TSEN2: variants seen among roughly 807,000 people sequenced by gnomAD.
TSEN2 encodes tRNA splicing endonuclease subunit 2, also known as tRNA-splicing endonuclease subunit Sen2.
TSEN2 carries 54 observed loss-of-function variants against 59.2 expected under a neutral mutation model. The ratio of observed to expected loss-of-function variants is 0.91; its 90% CI spans 0.73 to 1.14. The LOEUF is 1.14. TSEN2 is among the 50% of genes most tolerant of loss of function. The probability of loss-of-function intolerance (pLI) is 0.00; values close to 1 mark genes in which losing one functional copy is unlikely to be tolerated. For synonymous variants in TSEN2, 195 were observed against 198.2 expected, an observed-to-expected ratio of 0.98 and a Z score of 0.14; for missense variants, 636 against 576.2, an observed-to-expected ratio of 1.10 and a Z score of -1.06.
chr3:12,537,850 C>T (rs1391672148), downstream of TSEN2, among the ~76,000 whole-genome samples: 1 of 152,064 alleles, frequency 6.6e-6, no homozygotes, highest in East Asian at 1.9e-4. Flanking sequence ...GGTGGGGAGT[C>T]CTTTATGAAT....
At chr3:12,525,519 T>G (rs2057003628) in intron 8 of TSEN2, among the ~76,000 whole-genome samples, 1 of 151,972 alleles carries the variant, frequency 6.6e-6, no homozygotes, top group African/African-American at 2.4e-5. Flanking sequence ...GTTTTCCTTT[T>G]ATACTCCCTG....
chr3:12,523,523 A>ATTTTTTTTTTTTTTT (rs1386382924), intron 8 of TSEN2, among the ~76,000 whole-genome samples: 12 of 51,016 alleles, frequency 2.4e-4, no homozygotes, highest in South Asian at 4.0e-4. Context: ...TTCCTCTTTG[A>ATTTTTTTTTTTTTTT]TTCTTTTTTT....
Position 12,489,884 on chromosome 3 carries a change from T to G in TSEN2, c.84T>G (p.Gly28=). The G allele has an allele frequency of 5.0e-6, 8 of 1,614,068 alleles. No homozygotes were observed. Among genetic ancestry groups the G allele is most frequent in the Non-Finnish European group, 6.8e-6 (8 of 1,179,988 alleles). ...AGTCTCCATTGCCAATCCCTTTTGG[T>G]CAGGACCATGGTCCTCTGAAAGAAT... ...TYESPLPIPF[G]QDHGPLKEFK... The change falls in exon 2 of 12, where the codon GGT becomes GGG. Residue 28 remains glycine (G), a synonymous_variant. Transcript: ENST00000284995.
chr3:12,485,594 A>C (rs936603558), intron 1 of TSEN2, among the ~76,000 whole-genome samples: 5 of 152,348 alleles, frequency 3.3e-5, no homozygotes, highest in Admixed American at 6.5e-5. Context: ...AGCTGGGTCC[A>C]CCCAGGAAAT....
At chr3:12,523,526 CTT>C (rs546904336) in intron 8 of TSEN2, among the ~76,000 whole-genome samples, 111 of 46,468 alleles carry the variant, frequency 2.4e-3, no homozygotes, top group African/African-American at 3.1e-3. Flanking sequence ...CTCTTTGATT[CTT>C]TTTTTTTTTT....
downstream of TSEN2, among the ~76,000 whole-genome samples, chr3:12,535,330 C>A (rs1385322854): frequency 6.6e-6 from 1 of 152,092 alleles, no homozygotes; most frequent in African/African-American, 2.4e-5. Flanking sequence ...GATCTTAAAA[C>A]TGGAAAATTT....
chr3:12,497,601 G>C (rs1048598808), intron 4 of TSEN2, among the ~76,000 whole-genome samples: 3 of 152,178 alleles, frequency 2.0e-5, no homozygotes, highest in Non-Finnish European at 4.4e-5. Context: ...AGAAACCTAG[G>C]GATCAGAAAT....
chr3:12,529,040 C>A, intron 9 of TSEN2, 116 bp downstream of exon 9: 1 of 987,576 alleles, frequency 1.0e-6, no homozygotes, highest in Non-Finnish European at 1.6e-6. Flanking sequence ...TGGCCTGATA[C>A]GAATAGATGC....
At chr3:12,519,987 G>A (rs2056496329) in intron 8 of TSEN2, among the ~76,000 whole-genome samples, 1 of 151,902 alleles carries the variant, frequency 6.6e-6, no homozygotes, top group African/African-American at 2.4e-5. Flanking sequence ...CCTATGCAGT[G>A]GAGACGCTTA....
At chr3:12,539,264 G>T (rs1227083679) in exon 11 of TSEN2, 1 of 373,422 alleles carries the variant, frequency 2.7e-6, no homozygotes, top group East Asian at 8.8e-5. Flanking sequence ...CTCCTGAGTA[G>T]CTGGGATTAC....
At chr3:12,512,091 T>C (rs1028186457) in intron 6 of TSEN2, among the ~76,000 whole-genome samples, 5 of 152,160 alleles carry the variant, frequency 3.3e-5, no homozygotes, top group Admixed American at 3.3e-4. Flanking sequence ...AGGAAGATAG[T>C]GAAGATTGAA....
At chr3:12,524,210 C>T (rs1402805164) in intron 8 of TSEN2, among the ~76,000 whole-genome samples, 1 of 152,182 alleles carries the variant, frequency 6.6e-6, no homozygotes, top group Non-Finnish European at 1.5e-5. Context: ...GGATTACAGG[C>T]GTGAGCCACC....
At chr3:12,521,145 T>A (rs543241474) in intron 8 of TSEN2, among the ~76,000 whole-genome samples, 1 of 152,322 alleles carries the variant, frequency 6.6e-6, no homozygotes, top group South Asian at 2.1e-4. Flanking sequence ...TGCCTAGTAT[T>A]CCACTGCATC....
intron 4 of TSEN2, among the ~76,000 whole-genome samples, chr3:12,500,062 C>T (rs955401431): frequency 1.3e-5 from 2 of 152,182 alleles, no homozygotes; most frequent in East Asian, 1.9e-4. Flanking sequence ...TGTGTCCTTG[C>T]GGTCCTGGAT....
intron 6 of TSEN2, among the ~76,000 whole-genome samples, chr3:12,508,116 C>T (rs961778199): frequency 8.5e-5 from 13 of 152,118 alleles, no homozygotes; most frequent in Non-Finnish European, 1.8e-4. Flanking sequence ...GGGCTGGAGG[C>T]CTGGCCTGGG....
rs1185785030 is a variant in TSEN2 at position 12,516,179 on chromosome 3, C to T, written c.910-432C>T. Among the ~76,000 whole-genome samples, 3 of 152,034 alleles carry T rather than the reference C, an allele frequency of 2.0e-5. No homozygotes were observed. In the East Asian group the frequency reaches 5.8e-4, roughly 29 times the overall value. On this transcript the variant is annotated intron_variant, in intron 6 of 11. Transcript: ENST00000284995. ...GTGGCTCACACCTGTAATCCCAGCA[C>T]TTTGGGAGGCCGAGGCAGGTGGATC...
intron 1 of TSEN2, among the ~76,000 whole-genome samples, chr3:12,485,213 G>GT (rs1192021772): frequency 6.6e-6 from 1 of 152,168 alleles, no homozygotes; most frequent in Non-Finnish European, 1.5e-5. Flanking sequence ...TGGGTAGGAG[G>GT]TTTTTTAACC....
At chr3:12,529,924 T>G (rs778709868) in intron 10 of TSEN2, 51 bp downstream of exon 10, 30 of 1,579,814 alleles carry the variant, frequency 1.9e-5, no homozygotes, top group Non-Finnish European at 2.5e-5. Flanking sequence ...TGGTTCAGTT[T>G]TTTTTTTTTT....
chr3:12,508,073 G>T (rs1338635965), intron 6 of TSEN2, among the ~76,000 whole-genome samples: 1 of 152,166 alleles, frequency 6.6e-6, no homozygotes, highest in Non-Finnish European at 1.5e-5. Context: ...TAGGGGAGTG[G>T]CAGTGACCAG....
Sources: gnomAD v4.1 joint callset for allele counts (sites outside exome capture counted in the v4.1 genomes callset) on GRCh38, gnomAD v4.1.1 for gene constraint, MANE v1.5 for transcripts, NCBI Gene and HGNC (gene_info 2026-07-23, HGNC 2026-07-21) for gene names.